Variants in IRAK2 observed in about 807,000 individuals in gnomAD.
The protein encoded by IRAK2 is interleukin-1 receptor-associated kinase-like 2.
In IRAK2, 57 loss-of-function variants were observed where a neutral mutation model predicts 72.0. That is an observed-to-expected ratio of 0.79 (90% confidence interval 0.64 to 0.99). IRAK2 has a LOEUF of 0.99. IRAK2 is among the 50% of genes least tolerant of loss of function. The pLI, the probability that IRAK2 is intolerant of heterozygous loss-of-function variation, is 0.00. For missense variants in IRAK2, 790 were observed against 794.4 expected (o/e 0.99, Z 0.07); for synonymous variants, 293 against 312.7 (o/e 0.94, Z 0.67).
intron 8 of IRAK2, 84 bp downstream of exon 8, chr3:10,219,873 C>T: frequency 1.2e-6 from 1 of 844,830 alleles, no homozygotes; most frequent in African/African-American, 1.7e-5. Flanking sequence ...TCCCGCTCCG[C>T]CACTCACCCC....
At chr3:10,178,133 A>C in intron 2 of IRAK2, 113 bp downstream of exon 2, 1 of 875,198 alleles carries the variant, frequency 1.1e-6, no homozygotes, top group South Asian at 1.8e-5. Context: ...TAATTAAAAA[A>C]TTTAATGAGT....
intron 9 of IRAK2, among the ~76,000 whole-genome samples, chr3:10,225,037 C>G (rs1482379090): frequency 1.3e-5 from 2 of 151,892 alleles, no homozygotes; most frequent in African/African-American, 2.4e-5. Flanking sequence ...CTGGCAGGGA[C>G]CTGTCAGGAG....
chr3:10,243,098 G>A lies in IRAK2; in HGVS notation c.*870G>A, dbSNP rs1009256899. 4 of 152,246 alleles carry A rather than the reference G, an allele frequency of 2.6e-5. No individual in the cohort carries two copies. Among genetic ancestry groups the A allele is most frequent in the Admixed American group, 6.5e-5 (1 of 15,280 alleles). 9.4% of individuals were successfully genotyped at this position (152,246 alleles called of 1,614,324 possible). On this transcript the variant is annotated 3_prime_UTR_variant, in exon 13 of 13. Coordinates refer to ENST00000256458, the MANE Select transcript of IRAK2 (RefSeq NM_001570.4). ...CACCCAGGCTGGAGTGCAGTGGCAC[G>A]ATCTCAGCTCACTGCAAGCTCTGCC...
At chr3:10,210,112 G>C (rs1697496151) in intron 4 of IRAK2, among the ~76,000 whole-genome samples, 1 of 152,086 alleles carries the variant, frequency 6.6e-6, no homozygotes, top group South Asian at 2.1e-4. Context: ...GTAGAGACGG[G>C]GTCTCACCAT....
chr3:10,212,605 T>C (rs1354700197), intron 4 of IRAK2, among the ~76,000 whole-genome samples: 1 of 152,132 alleles, frequency 6.6e-6, no homozygotes, highest in Non-Finnish European at 1.5e-5. Flanking sequence ...CCAGGAATAC[T>C]CACATCTTAG....
intron 2 of IRAK2, among the ~76,000 whole-genome samples, chr3:10,195,670 G>A (rs1697251598): frequency 6.6e-6 from 1 of 152,166 alleles, no homozygotes; most frequent in Non-Finnish European, 1.5e-5. Flanking sequence ...CAAGGAGAAG[G>A]TGCCTCATTT....
chr3:10,165,157 A>G lies in IRAK2; in HGVS notation c.94+109A>G. On this transcript the variant is annotated intron_variant, in intron 1 of 12. Transcript: ENST00000256458. ...GGGCACCCGGGTTCAGCGGGTCCCG[A>G]TCCGAGGGCGTGCGAGCTGAGCCTC... The G allele has an allele frequency of 3.3e-6, 3 of 920,936 alleles. No individual in the cohort carries two copies. The East Asian group carries it at 8.5e-5, about 26-fold the overall frequency. 57.0% of individuals were successfully genotyped at this position (920,936 alleles called of 1,614,324 possible).
In IRAK2 at chr3:10,177,968, G is replaced by A. The variant is rs1696903805; in HGVS notation, c.225G>A (p.Val75=). ...GGCAGGCCACCGTCCAGCAACTTGTGGACCTCCTGTGCCGCCTGGAGCTCT... is the reference window on the plus strand; with the variant it reads ...GGCAGGCCACCGTCCAGCAACTTGTAGACCTCCTGTGCCGCCTGGAGCTCT... ...GMRQATVQQL[V]DLLCRLELYR... is the part of the protein sequence containing the mutation. Residue 75 remains valine (V), a synonymous_variant, in exon 2 of 13, where the codon GTG becomes GTA. Coordinates refer to ENST00000256458, the MANE Select transcript of IRAK2 (RefSeq NM_001570.4). The A allele has an allele frequency of 1.9e-6, 3 of 1,613,620 alleles. No homozygotes were observed. Among genetic ancestry groups the A allele is most frequent in the Admixed American group, 1.7e-5 (1 of 59,992 alleles).
intron 9 of IRAK2, among the ~76,000 whole-genome samples, chr3:10,224,404 A>C (rs1044013016): frequency 2.0e-5 from 3 of 151,444 alleles, no homozygotes; most frequent in African/African-American, 7.3e-5. Flanking sequence ...AGTTACTTTC[A>C]GCTGTGTGAC....
chr3:10,186,714 C>A (rs1350442187), intron 2 of IRAK2, among the ~76,000 whole-genome samples: 1 of 151,408 alleles, frequency 6.6e-6, no homozygotes, highest in African/African-American at 2.5e-5. Context: ...CTCTTGAGAT[C>A]CCCCAAGATG....
chr3:10,235,848 C>T (rs1183989413), intron 11 of IRAK2, among the ~76,000 whole-genome samples: 1 of 152,148 alleles, frequency 6.6e-6, no homozygotes, highest in Non-Finnish European at 1.5e-5. Context: ...TTATGTCCAT[C>T]GTCTTGCGCT....
intron 11 of IRAK2, among the ~76,000 whole-genome samples, chr3:10,237,905 G>T (rs1205172916): frequency 6.7e-6 from 1 of 149,196 alleles, no homozygotes; most frequent in Non-Finnish European, 1.5e-5. Flanking sequence ...TGTTATTACG[G>T]GTATAAGGGT....
chr3:10,187,509 G>T (rs973156810), intron 2 of IRAK2, among the ~76,000 whole-genome samples: 3 of 152,198 alleles, frequency 2.0e-5, no homozygotes, highest in African/African-American at 4.8e-5. Context: ...TCATGGTCTA[G>T]AGTAGCATTT....
intron 8 of IRAK2, 134 bp from the exon 9 acceptor site, chr3:10,222,502 C>A (rs986012602): frequency 5.8e-6 from 4 of 693,666 alleles, no homozygotes; most frequent in Admixed American, 5.1e-5. Flanking sequence ...CTCAGAAGCT[C>A]CATGCTGAGG....
intron 2 of IRAK2, among the ~76,000 whole-genome samples, chr3:10,195,657 C>T (rs1479995110): frequency 1.3e-5 from 2 of 152,096 alleles, no homozygotes; most frequent in African/African-American, 4.8e-5. Context: ...GGCAGGCCTC[C>T]GACAAGGAGA....
chr3:10,211,647 A>G (rs1206296156), intron 4 of IRAK2, among the ~76,000 whole-genome samples: 4 of 152,108 alleles, frequency 2.6e-5, no homozygotes, highest in Non-Finnish European at 4.4e-5. Flanking sequence ...TGTGTGTGGC[A>G]TGATACCAGT....
intron 2 of IRAK2, among the ~76,000 whole-genome samples, chr3:10,181,923 G>C (rs1169670): frequency 0.32 from 47,978 of 150,960 alleles, 8,395 homozygotes; most frequent in Non-Finnish European, 0.39. Context: ...TCATTCCAAT[G>C]CCCTATTCCT....
At chr3:10,224,321 A>G (rs1304532410) in intron 9 of IRAK2, among the ~76,000 whole-genome samples, 2 of 148,332 alleles carry the variant, frequency 1.3e-5, no homozygotes, top group Admixed American at 6.7e-5. Flanking sequence ...TGGGCAACAG[A>G]GCAAGATTCT....
rs758187383 is a variant in IRAK2 at position 10,216,944 on chromosome 3, C to T, written c.799C>T (p.Pro267Ser). The change falls in exon 7 of 13, where the codon CCC (proline) becomes TCC (serine). Residue 267 changes from proline to serine, a missense_variant. Transcript: ENST00000256458. ...GACGCCCGATTCCAGATGCTGCCAC[C>T]CCAATGTCTTACCTGTGCTGGGCTT... ...ELQICLRCCH[P>S]NVLPVLGFCA... 2 of 1,613,728 alleles carry T rather than the reference C, an allele frequency of 1.2e-6. No individual in the cohort carries two copies. Among genetic ancestry groups the T allele is most frequent in the African/African-American group, 2.7e-5 (2 of 74,876 alleles).
Sources: allele counts gnomAD v4.1 joint callset (sites outside exome capture counted in the v4.1 genomes callset), GRCh38; gene constraint gnomAD v4.1.1; transcripts MANE v1.5; gene names NCBI Gene and HGNC (gene_info 2026-07-23, HGNC 2026-07-21).